The following ADCY9 variants were observed in gnomAD, a reference collection of about 807,000 sequenced individuals.
ADCY9 encodes the protein adenylate cyclase 9.
In ADCY9, 50 loss-of-function variants were observed where a neutral mutation model predicts 101.5. The observed-to-expected ratio is 0.49, with a 90% CI of 0.39 to 0.62. The LOEUF is 0.62. Among genes scored for constraint, ADCY9 ranks in the 20% least tolerant of loss-of-function variants. The pLI, the probability that ADCY9 is intolerant of heterozygous loss-of-function variation, is 0.00. For synonymous variants in ADCY9, 905 were observed against 769.3 expected (o/e 1.18, Z -2.92); for missense variants, 1,662 against 1,800.4 (o/e 0.92, Z 1.39).
chr16:4,014,139 C>A (rs575214343), intron 2 of ADCY9, among the ~76,000 whole-genome samples: 1 of 151,876 alleles, frequency 6.6e-6, no homozygotes, highest in Non-Finnish European at 1.5e-5. Context: ...GCCAACATGG[C>A]GAAATCCCGT....
At chr16:3,958,299 T>C (rs946424695), downstream of ADCY9, among the ~76,000 whole-genome samples, 3 of 152,092 alleles carry the variant, frequency 2.0e-5, no homozygotes, top group African/African-American at 7.2e-5. Flanking sequence ...CCCAGCACTC[T>C]GGTAGCCTGA....
intron 2 of ADCY9, among the ~76,000 whole-genome samples, chr16:4,096,068 A>C (rs1416429741): frequency 6.6e-6 from 1 of 152,096 alleles, no homozygotes; most frequent in Non-Finnish European, 1.5e-5. Context: ...CCATGTGTAA[A>C]TTATACTTCT....
intron 2 of ADCY9, among the ~76,000 whole-genome samples, chr16:4,080,535 A>G (rs1163794011): frequency 6.6e-6 from 1 of 152,168 alleles, no homozygotes; most frequent in East Asian, 1.9e-4. Context: ...CTGGGATTTC[A>G]GGCATGACCC....
chr16:4,093,655 G>A (rs1235962039), intron 2 of ADCY9, among the ~76,000 whole-genome samples: 1 of 152,144 alleles, frequency 6.6e-6, no homozygotes, highest in Non-Finnish European at 1.5e-5. Context: ...TACTCAGGAG[G>A]CTGAAGCTGG....
At chr16:4,082,717 C>CGCAG (rs919672205) in intron 2 of ADCY9, among the ~76,000 whole-genome samples, 1 of 151,042 alleles carries the variant, frequency 6.6e-6, no homozygotes, top group African/African-American at 2.4e-5. Context: ...CACGCATGCA[C>CGCAG]GCACACACAT....
intron 2 of ADCY9, among the ~76,000 whole-genome samples, chr16:4,104,772 G>A (rs754881202): frequency 2.2e-4 from 33 of 152,256 alleles, no homozygotes; most frequent in Non-Finnish European, 2.6e-4. Flanking sequence ...ATGCCAAAGC[G>A]GTTAAGAAAA....
chr16:4,107,912 G>A (rs2057088326), intron 2 of ADCY9, among the ~76,000 whole-genome samples: 1 of 152,210 alleles, frequency 6.6e-6, no homozygotes, highest in African/African-American at 2.4e-5. Context: ...CTAAGGCAAA[G>A]GTCTCGATCA....
At chr16:3,991,265 C>G (rs4785945) in intron 5 of ADCY9, among the ~76,000 whole-genome samples, 150,614 of 152,294 alleles carry the variant, frequency 0.99, 74,491 homozygotes, top group East Asian at 1. Flanking sequence ...CTAGATGAGA[C>G]AACCCGGCAC....
chr16:4,063,722 A>AC (rs2056785425), intron 2 of ADCY9, among the ~76,000 whole-genome samples: 1 of 151,932 alleles, frequency 6.6e-6, no homozygotes, highest in African/African-American at 2.4e-5. Context: ...AAAAAAAAAA[A>AC]ACACAAACCT....
chr16:4,110,870 C>T (rs1056290378), intron 2 of ADCY9, among the ~76,000 whole-genome samples: 12 of 152,168 alleles, frequency 7.9e-5, no homozygotes, highest in South Asian at 4.1e-4. Flanking sequence ...CCTTGCAGAA[C>T]GCTGCTTCTG....
intron 2 of ADCY9, among the ~76,000 whole-genome samples, chr16:4,054,372 T>A (rs2056722193): frequency 6.6e-6 from 1 of 152,014 alleles, no homozygotes; most frequent in Admixed American, 6.6e-5. Flanking sequence ...TAAACAAAAT[T>A]CCCGATTTTC....
chr16:3,981,347 A>G (rs2238439), intron 7 of ADCY9, among the ~76,000 whole-genome samples: 101,608 of 152,038 alleles, frequency 0.67, 35,814 homozygotes, highest in Non-Finnish European at 0.78. Context: ...AATGGAGACA[A>G]TGCTGGCCTC....
At chr16:4,097,553 A>ATTTTT (rs35732229) in intron 2 of ADCY9, among the ~76,000 whole-genome samples, 924 of 53,320 alleles carry the variant, frequency 0.017, 54 homozygotes, top group East Asian at 0.089. Context: ...ATATATATAT[A>ATTTTT]TTTTTTTTTT....
intron 2 of ADCY9, among the ~76,000 whole-genome samples, chr16:4,048,281 G>A (rs2056679152): frequency 1.3e-5 from 2 of 152,156 alleles, no homozygotes; most frequent in Admixed American, 1.3e-4. Flanking sequence ...ACATTAAAAT[G>A]AAGTCTTTGT....
chr16:4,000,613 G>A (rs1392520835), intron 3 of ADCY9, among the ~76,000 whole-genome samples: 1 of 152,120 alleles, frequency 6.6e-6, no homozygotes, highest in Admixed American at 6.5e-5. Flanking sequence ...CAGATGGCCT[G>A]AGAATACTAG....
chr16:3,980,793 G>A (rs1056900252), intron 7 of ADCY9, among the ~76,000 whole-genome samples: 9 of 152,196 alleles, frequency 5.9e-5, no homozygotes, highest in African/African-American at 2.2e-4. Flanking sequence ...CTAGGAGGGG[G>A]GACAGAGGGA....
chr16:4,105,736 A>C (rs1315161745), intron 2 of ADCY9, among the ~76,000 whole-genome samples: 1 of 151,402 alleles, frequency 6.6e-6, no homozygotes, highest in Admixed American at 6.6e-5. Context: ...TGTCCTAGCT[A>C]CTGAAGAGGC....
At chr16:4,079,910 G>C (rs2056891414) in intron 2 of ADCY9, among the ~76,000 whole-genome samples, 2 of 151,846 alleles carry the variant, frequency 1.3e-5, no homozygotes, top group African/African-American at 4.8e-5. Flanking sequence ...CCAAAAACAT[G>C]TTTTACTTTT....
intron 3 of ADCY9, among the ~76,000 whole-genome samples, chr16:3,998,882 G>T (rs1348629443): frequency 6.6e-6 from 1 of 151,862 alleles, no homozygotes; most frequent in Non-Finnish European, 1.5e-5. Flanking sequence ...GGCCCCTTCT[G>T]TACCAGGAGG....
Sources: allele counts gnomAD v4.1 joint callset (sites outside exome capture counted in the v4.1 genomes callset), GRCh38; gene constraint gnomAD v4.1.1; transcripts MANE v1.5; gene names NCBI Gene and HGNC (gene_info 2026-07-23, HGNC 2026-07-21).